LAMB4: variants seen among roughly 807,000 people sequenced by gnomAD.
The protein encoded by LAMB4 is laminin subunit beta-4.
A neutral mutation model predicts 199.2 loss-of-function variants in LAMB4; 196 were observed. That is an observed-to-expected ratio of 0.98 (90% CI 0.88 to 1.11). LAMB4 has a LOEUF of 1.11. LAMB4 is among the 50% of genes least tolerant of loss of function. LAMB4 has a pLI of 0.00. For synonymous variants in LAMB4, 744 were observed against 770.6 expected (o/e 0.97, Z 0.57); for missense variants, 2,080 against 2,171.2 (o/e 0.96, Z 0.83).
intron 17 of LAMB4, among the ~76,000 whole-genome samples, chr7:108,073,882 C>T (rs553418135): frequency 1.8e-4 from 28 of 152,326 alleles, no homozygotes; most frequent in South Asian, 1.2e-3. Flanking sequence ...TTAAGGCTCA[C>T]AGCTGTTCCC....
chr7:108,103,159 G>C lies in LAMB4; in HGVS notation c.1065C>G (p.Ser355Arg). 6.2e-7 allele frequency: 1 copy of C among 1,609,336 alleles called. No individual in the cohort carries two copies. The change falls in exon 10 of 34, where the codon AGC (serine) becomes AGG (arginine). Residue 355 changes from serine (S) to arginine (R), a missense_variant. Physicochemically the swap from Ser to Arg is moderately radical, Grantham distance 110. Coordinates refer to ENST00000388781, the MANE Select transcript of LAMB4 (RefSeq NM_007356.3). ...MTTYLASGGL[S>R]GGVCEDCQHN... ...GCTGGCAGTCTTCACACACGCCCCC[G>C]CTGAGGCCACCGCTTGCCAGGTACG...
intron 24 of LAMB4, among the ~76,000 whole-genome samples, chr7:108,057,104 G>C (rs562920668): frequency 6.6e-6 from 1 of 152,178 alleles, no homozygotes. Context: ...CCAGAGGGGT[G>C]GTGTCATGTC....
intron 8 of LAMB4, 110 bp from the exon 9 acceptor site, chr7:108,104,729 T>C: frequency 8.2e-7 from 1 of 1,220,302 alleles, no homozygotes; most frequent in Non-Finnish European, 1.1e-6. Context: ...TGATCCTTAG[T>C]TTCCCATATG....
At chr7:108,040,344 T>C (rs1462915982) in intron 29 of LAMB4, among the ~76,000 whole-genome samples, 1 of 152,168 alleles carries the variant, frequency 6.6e-6, no homozygotes, top group Non-Finnish European at 1.5e-5. Flanking sequence ...CCCAAAACAA[T>C]GTGCAGATTC....
intron 9 of LAMB4, among the ~76,000 whole-genome samples, chr7:108,103,500 A>G (rs2037889743): frequency 1.3e-5 from 2 of 152,218 alleles, no homozygotes; most frequent in African/African-American, 4.8e-5. Flanking sequence ...ACAAAAGTAA[A>G]TCATTTCGGT....
intron 6 of LAMB4, 143 bp from the exon 7 acceptor site, chr7:108,106,715 C>T (rs570075268): frequency 1.0e-4 from 57 of 547,942 alleles, no homozygotes; most frequent in South Asian, 9.7e-4. Context: ...CAGGCATGCA[C>T]CACCATGCCC....
intron 29 of LAMB4, among the ~76,000 whole-genome samples, chr7:108,043,545 G>GCTTTTTTTT (rs2035496600): frequency 1.8e-5 from 1 of 56,000 alleles, no homozygotes. Context: ...TGGCTATGAT[G>GCTTTTTTTT]TTTTTTTTTT....
chr7:108,052,315 G>GA (rs951148297), intron 25 of LAMB4, 58 bp from the exon 26 acceptor site: 59 of 1,358,256 alleles, frequency 4.3e-5, no homozygotes, highest in Non-Finnish European at 4.3e-5. Flanking sequence ...ATATATTGGT[G>GA]AAAAAAATGC....
At chr7:108,044,515 T>C (rs1313620419) in intron 28 of LAMB4, among the ~76,000 whole-genome samples, 1 of 152,224 alleles carries the variant, frequency 6.6e-6, no homozygotes, top group Non-Finnish European at 1.5e-5. Flanking sequence ...AGAAAGGTCA[T>C]GGACTTTTTC....
intron 14 of LAMB4, among the ~76,000 whole-genome samples, chr7:108,081,381 CAG>C (rs1306250305): frequency 1.3e-5 from 2 of 152,192 alleles, no homozygotes; most frequent in Non-Finnish European, 2.9e-5. Context: ...ACTTTGCCTC[CAG>C]TGTATGCCCC....
chr7:108,057,711 T>G, intron 24 of LAMB4, 121 bp downstream of exon 24: 1 of 634,524 alleles, frequency 1.6e-6, no homozygotes, highest in South Asian at 2.0e-5. Flanking sequence ...TTGTGAGTTT[T>G]CTAAGTCCAC....
At chr7:108,107,906 C>A in intron 5 of LAMB4, 87 bp from the exon 6 acceptor site, 3 of 967,600 alleles carry the variant, frequency 3.1e-6, no homozygotes, top group Non-Finnish European at 3.0e-6. Flanking sequence ...TTTCTAATTC[C>A]ATTTTTAAAA....
intron 1 of LAMB4, among the ~76,000 whole-genome samples, chr7:108,130,047 C>T (rs1340087828): frequency 6.6e-6 from 1 of 152,188 alleles, no homozygotes; most frequent in African/African-American, 2.4e-5. Context: ...AAGCTCCCTT[C>T]AAGGTACAGT....
rs1379606316 is a variant in LAMB4 at position 108,030,943 on chromosome 7, C to G, written c.4855G>C (p.Glu1619Gln). The G allele has an allele frequency of 2.5e-6, 4 of 1,613,834 alleles. No individual in the cohort carries two copies. Among genetic ancestry groups the G allele is most frequent in the Middle Eastern group, 1.6e-4 (1 of 6,062 alleles). Residue 1619 changes from glutamate to glutamine, a missense_variant, in exon 32 of 34, where the codon GAG becomes CAG. By Grantham distance (29) the Glu-to-Gln change is conservative (BLOSUM62 2). Coordinates refer to ENST00000388781, the MANE Select transcript of LAMB4 (RefSeq NM_007356.3). Reference sequence around the variant, plus strand: ...AGCCCTGATCGCTGCTTTGCTAACTCCAGCTCACTCTTCATTTCCCTGGTT... The same window carrying G: ...AGCCCTGATCGCTGCTTTGCTAACTGCAGCTCACTCTTCATTTCCCTGGTT... ...NQTREMKSEL[E>Q]LAKQRSGLED...
In LAMB4 at chr7:108,040,056, G is replaced by A. The variant is rs375067609; in HGVS notation, c.4472-2461C>T. On this transcript the variant is annotated intron_variant, in intron 29 of 33. Transcript: ENST00000388781. ...AAAGCTCCTTAAGCTGATGACTTCA[G>A]TAAGGTCTCAGGATACAAAATCAAT... Among the ~76,000 whole-genome samples, 6 of 152,192 alleles carry A rather than the reference G, an allele frequency of 3.9e-5. No homozygotes were observed. The East Asian group carries it at 1.2e-3, about 29-fold the overall frequency.
At chr7:108,089,851 A>T (rs2037330491) in intron 14 of LAMB4, among the ~76,000 whole-genome samples, 1 of 152,120 alleles carries the variant, frequency 6.6e-6, no homozygotes, top group South Asian at 2.1e-4. Flanking sequence ...GTTTTTGTAG[A>T]TATGGGACCT....
At chr7:108,123,424 T>G (rs1036569374) in intron 1 of LAMB4, among the ~76,000 whole-genome samples, 2 of 152,260 alleles carry the variant, frequency 1.3e-5, no homozygotes, top group Non-Finnish European at 2.9e-5. Flanking sequence ...CAATTGTTTG[T>G]GGGAAATAAG....
At chr7:108,067,973 A>C in intron 19 of LAMB4, 43 bp downstream of exon 19, 1 of 1,613,214 alleles carries the variant, frequency 6.2e-7, no homozygotes, top group Non-Finnish European at 8.5e-7. Context: ...CAAAATGTCA[A>C]GACTGTGAGC....
chr7:108,048,135 T>C, intron 27 of LAMB4, 24 bp from the exon 28 acceptor site: 1 of 1,329,906 alleles, frequency 7.5e-7, no homozygotes, highest in Non-Finnish European at 1.1e-6. Context: ...TGATTTACGT[T>C]AAATAGCAAC....
Sources: allele counts gnomAD v4.1 joint callset (sites outside exome capture counted in the v4.1 genomes callset), GRCh38; gene constraint gnomAD v4.1.1; transcripts MANE v1.5; gene names NCBI Gene and HGNC (gene_info 2026-07-23, HGNC 2026-07-21).